Variants in GRIN3A observed in about 807,000 individuals in gnomAD.
GRIN3A encodes glutamate receptor ionotropic, NMDA 3A.
Under a neutral mutation model 92.4 loss-of-function variants are expected in GRIN3A, and 47 were observed. The ratio of observed to expected loss-of-function variants is 0.51; its 90% CI spans 0.40 to 0.65. The LOEUF is 0.65. Ranked by LOEUF, GRIN3A falls within the 30% of genes least tolerant of loss-of-function variation. The probability of loss-of-function intolerance (pLI) is 0.00; values close to 1 mark genes in which losing one functional copy is unlikely to be tolerated. For synonymous variants in GRIN3A, 527 were observed against 540.6 expected, an observed-to-expected ratio of 0.97 and a Z score of 0.35; for missense variants, 1,324 against 1,393.1, an observed-to-expected ratio of 0.95 and a Z score of 0.79.
At chr9:101,592,081 A>T in intron 6 of GRIN3A, 1 of 152,188 alleles carries the variant, frequency 6.6e-6, no homozygotes, top group Non-Finnish European at 1.5e-5. Context: ...CTCCACAAAA[A>T]GTTAAATAGG....
chr9:101,607,247 T>C (rs1025054426), intron 6 of GRIN3A, among the ~76,000 whole-genome samples: 5 of 151,976 alleles, frequency 3.3e-5, no homozygotes, highest in African/African-American at 9.7e-5. Flanking sequence ...AGGTCAAGGT[T>C]CTCACATTGG....
rs754316395 is a variant in GRIN3A, at chr9:101,670,210, G to T, written c.2202C>A (p.Ile734=). The T allele has an allele frequency of 6.2e-7, 1 of 1,613,912 alleles. No homozygotes were observed. Among genetic ancestry groups the T allele is most frequent in the African/African-American group, 1.3e-5 (1 of 74,908 alleles). The change falls in exon 3 of 9, where the codon ATC becomes ATA. Residue 734 remains isoleucine (I), a synonymous_variant. Transcript: ENST00000361820. ...TTCCAGTCCAACATTTTGGAGGTTT[G>T]ATGGCCACTGTTCTGCCAAACAAGA... ...YALLFGRTVA[I]KPPKCWTGRF...
At chr9:101,623,931 T>C (rs1828593662) in intron 4 of GRIN3A, among the ~76,000 whole-genome samples, 1 of 152,118 alleles carries the variant, frequency 6.6e-6, no homozygotes. Flanking sequence ...GAAGGGTGAG[T>C]CTCAGCATAG....
intron 3 of GRIN3A, among the ~76,000 whole-genome samples, chr9:101,648,504 T>C (rs1828969016): frequency 6.6e-6 from 1 of 152,046 alleles, no homozygotes; most frequent in Non-Finnish European, 1.5e-5. Context: ...TTAACTCCAA[T>C]TTTTCCTTGT....
At chr9:101,648,572 A>G (rs1476550686) in intron 3 of GRIN3A, among the ~76,000 whole-genome samples, 1 of 152,080 alleles carries the variant, frequency 6.6e-6, no homozygotes, top group Admixed American at 6.6e-5. Context: ...AGTCTCTACT[A>G]TTAAAGTATT....
rs1588248324 is a variant in GRIN3A, at chr9:101,613,375, C to A, written c.2766+1G>T. On this transcript the variant is annotated splice_donor_variant, in intron 6 of 8. Transcript: ENST00000361820. LOFTEE classifies it high-confidence loss of function. ...CACCATTTTCAACAGTCTTTCCATA[C>A]CTCCGTGACAGCAAAACTTCTCTTG... The A allele has an allele frequency of 1.2e-6, 2 of 1,614,008 alleles. No individual in the cohort carries two copies. The highest frequency in any genetic ancestry group is 8.5e-7 in the Non-Finnish European group (1 of 1,180,010).
chr9:101,610,711 A>G (rs1435637346), intron 6 of GRIN3A, among the ~76,000 whole-genome samples: 3 of 152,122 alleles, frequency 2.0e-5, no homozygotes, highest in Non-Finnish European at 4.4e-5. Context: ...TAACAAATGT[A>G]AAAAACAGAT....
intron 3 of GRIN3A, among the ~76,000 whole-genome samples, chr9:101,661,510 A>T (rs1442839308): frequency 6.6e-6 from 1 of 151,820 alleles, no homozygotes; most frequent in African/African-American, 2.4e-5. Context: ...CTTTTCACTT[A>T]ACATTATATT....
At chr9:101,638,310 TTCTA>T (rs1236018173) in intron 3 of GRIN3A, among the ~76,000 whole-genome samples, 2 of 152,158 alleles carry the variant, frequency 1.3e-5, no homozygotes, top group African/African-American at 2.4e-5. Flanking sequence ...GCTGCAAAGG[TTCTA>T]TCTCTTTGTT....
intron 2 of GRIN3A, among the ~76,000 whole-genome samples, chr9:101,683,334 C>G (rs1278002218): frequency 1.3e-5 from 2 of 152,178 alleles, no homozygotes; most frequent in Non-Finnish European, 2.9e-5. Flanking sequence ...GGCTCATTAT[C>G]CTCCCGACTT....
chr9:101,589,903 A>G (rs1827999824), intron 6 of GRIN3A, among the ~76,000 whole-genome samples: 1 of 152,188 alleles, frequency 6.6e-6, no homozygotes. Flanking sequence ...TTCTTCACTG[A>G]AACTCTTAAT....
intron 6 of GRIN3A, among the ~76,000 whole-genome samples, chr9:101,605,797 C>A (rs374785134): frequency 6.6e-6 from 1 of 152,206 alleles, no homozygotes; most frequent in African/African-American, 2.4e-5. Context: ...CTATCCCATG[C>A]AATCAAGGTC....
At chr9:101,610,829 T>A (rs1038327176) in intron 6 of GRIN3A, among the ~76,000 whole-genome samples, 4 of 152,130 alleles carry the variant, frequency 2.6e-5, no homozygotes, top group Admixed American at 1.3e-4. Flanking sequence ...CCAGGCGCGG[T>A]GGCTCATGCC....
chr9:101,610,577 CTAT>C (rs1355560655), intron 6 of GRIN3A, among the ~76,000 whole-genome samples: 7 of 83,220 alleles, frequency 8.4e-5, no homozygotes, highest in African/African-American at 1.9e-4. Context: ...TTGCATCCAT[CTAT>C]CTATCTATCT....
At chr9:101,641,063 A>G (rs553877428) in intron 3 of GRIN3A, among the ~76,000 whole-genome samples, 5 of 152,328 alleles carry the variant, frequency 3.3e-5, no homozygotes, top group African/African-American at 1.2e-4. Flanking sequence ...AGTATCAGTA[A>G]ATTCTTACTA....
intron 1 of GRIN3A, among the ~76,000 whole-genome samples, chr9:101,723,245 G>C (rs1157007423): frequency 6.6e-6 from 1 of 152,054 alleles, no homozygotes; most frequent in Non-Finnish European, 1.5e-5. Context: ...TCTGATGTTC[G>C]GATGTGTTAG....
intron 1 of GRIN3A, among the ~76,000 whole-genome samples, chr9:101,727,571 A>G (rs1285826310): frequency 1.3e-5 from 2 of 151,986 alleles, no homozygotes; most frequent in Non-Finnish European, 2.9e-5. Flanking sequence ...ACTTTATCTC[A>G]TTTTTCTCCC....
At chr9:101,655,329 TA>T (rs1829071158) in intron 3 of GRIN3A, among the ~76,000 whole-genome samples, 1 of 151,962 alleles carries the variant, frequency 6.6e-6, no homozygotes, top group African/African-American at 2.4e-5. Flanking sequence ...GTAGACTGAC[TA>T]CTTGATTTCA....
intron 3 of GRIN3A, among the ~76,000 whole-genome samples, chr9:101,629,372 CACTT>C (rs1460321092): frequency 1.4e-4 from 22 of 152,216 alleles, no homozygotes; most frequent in African/African-American, 4.1e-4. Context: ...TCTGCAGAAA[CACTT>C]ACCATGTTTA....
Sources: gnomAD v4.1 joint callset for allele counts (sites outside exome capture counted in the v4.1 genomes callset) on GRCh38, gnomAD v4.1.1 for gene constraint, MANE v1.5 for transcripts, NCBI Gene and HGNC (gene_info 2026-07-23, HGNC 2026-07-21) for gene names.